Variants in QTGAL observed in about 807,000 individuals in gnomAD.
QTGAL encodes BGnT-like protein 1.
the QTGAL span, chr17:82,947,122 G>C: frequency 1.5e-6 from 1 of 668,428 alleles, no homozygotes; most frequent in Non-Finnish European, 2.5e-6. Flanking sequence ...TAGCGGAGAG[G>C]CTGGAAGGAG....
the QTGAL span, among the ~76,000 whole-genome samples, chr17:82,977,081 C>T: frequency 6.6e-6 from 1 of 152,256 alleles, no homozygotes; most frequent in East Asian, 1.9e-4. Flanking sequence ...TCGAAGGCCA[C>T]GGCAGGGGAG....
chr17:83,022,329 C>A, the QTGAL span, among the ~76,000 whole-genome samples: 1 of 137,176 alleles, frequency 7.3e-6, no homozygotes, highest in Non-Finnish European at 1.6e-5. Flanking sequence ...GCACTGTCCC[C>A]GGCCCACCTG....
the QTGAL span, among the ~76,000 whole-genome samples, chr17:82,968,054 T>TA: frequency 1.3e-5 from 2 of 152,160 alleles, no homozygotes; most frequent in African/African-American, 4.8e-5. Context: ...GGCAGGCTCT[T>TA]AGAGAGTTAA....
At chr17:83,020,621 C>T in the QTGAL span, among the ~76,000 whole-genome samples, 1 of 152,180 alleles carries the variant, frequency 6.6e-6, no homozygotes, top group Non-Finnish European at 1.5e-5. Context: ...GCCACCAGCC[C>T]ACCTGCCCAT....
At chr17:83,001,762 A>G in the QTGAL span, among the ~76,000 whole-genome samples, 1 of 152,142 alleles carries the variant, frequency 6.6e-6, no homozygotes, top group East Asian at 1.9e-4. Context: ...AACTTTTGAC[A>G]AATGCAATAA....
the QTGAL span, among the ~76,000 whole-genome samples, chr17:82,970,648 T>C: frequency 0.44 from 13,801 of 31,122 alleles, 3,529 homozygotes; most frequent in East Asian, 0.48. Flanking sequence ...CCGCACCCGG[T>C]GTGGCCGCGA....
At chr17:82,992,361 C>T in the QTGAL span, among the ~76,000 whole-genome samples, 12 of 152,238 alleles carry the variant, frequency 7.9e-5, no homozygotes, top group East Asian at 5.8e-4. Context: ...GCAGACTTTT[C>T]GGTAGAAACT....
At chr17:82,993,974 C>A in the QTGAL span, among the ~76,000 whole-genome samples, 2 of 151,960 alleles carry the variant, frequency 1.3e-5, no homozygotes, top group African/African-American at 4.8e-5. Flanking sequence ...AATGGAAACA[C>A]AACATACCAA....
chr17:83,041,541 C>T, the QTGAL span, among the ~76,000 whole-genome samples: 4 of 152,294 alleles, frequency 2.6e-5, no homozygotes, highest in East Asian at 1.9e-4. Context: ...TAAGATTAAC[C>T]GCTTACTTCT....
the QTGAL span, chr17:82,957,264 A>G: frequency 6.2e-7 from 1 of 1,614,144 alleles, no homozygotes; most frequent in South Asian, 1.1e-5. Context: ...GGACAAGCAC[A>G]GAAGGGCAGC....
the QTGAL span, among the ~76,000 whole-genome samples, chr17:83,016,717 AGAG>A: frequency 8.0e-6 from 1 of 125,294 alleles, no homozygotes; most frequent in African/African-American, 3.1e-5. Flanking sequence ...GGTGGAGGAG[AGAG>A]GAGAAGGGAG....
the QTGAL span, among the ~76,000 whole-genome samples, chr17:83,026,633 A>ACAGACACACAGAGCGGGACGGG: frequency 9.9e-6 from 1 of 101,494 alleles, no homozygotes; most frequent in East Asian, 3.0e-4. Flanking sequence ...GGAGGGCAGG[A>ACAGACACACAGAGCGGGACGGG]AGCCTGCAGA....
the QTGAL span, among the ~76,000 whole-genome samples, chr17:83,002,999 C>G: frequency 2.1e-5 from 1 of 48,362 alleles, no homozygotes; most frequent in East Asian, 7.0e-4. Context: ...CGCCCTCCCG[C>G]CCTCCGCGTG....
the QTGAL span, chr17:82,957,111 C>T: frequency 1.3e-5 from 21 of 1,592,242 alleles, no homozygotes; most frequent in Non-Finnish European, 1.7e-5. Flanking sequence ...GGGGAAGGCT[C>T]GGAGCAGCTG....
At chr17:83,018,033 T>A in the QTGAL span, among the ~76,000 whole-genome samples, 2 of 142,088 alleles carry the variant, frequency 1.4e-5, no homozygotes, top group Non-Finnish European at 3.1e-5. Flanking sequence ...GTACCACACG[T>A]GCTCCGTGAA....
At chr17:82,942,257 C>G in the QTGAL span, 1 of 689,954 alleles carries the variant, frequency 1.4e-6, no homozygotes, top group South Asian at 2.0e-5. Context: ...GGTGCCCTTC[C>G]GAGGACACGT....
At chr17:82,955,746 C>T in the QTGAL span, among the ~76,000 whole-genome samples, 1 of 152,108 alleles carries the variant, frequency 6.6e-6, no homozygotes, top group Non-Finnish European at 1.5e-5. Flanking sequence ...ATGGAATCAA[C>T]CCAAATGCCC....
chr17:82,991,591 T>G, the QTGAL span, among the ~76,000 whole-genome samples: 2 of 152,140 alleles, frequency 1.3e-5, no homozygotes, highest in Admixed American at 1.3e-4. Context: ...GAAGGACAGG[T>G]ACGAACAAAC....
the QTGAL span, among the ~76,000 whole-genome samples, chr17:83,015,275 C>G: frequency 6.6e-6 from 1 of 152,322 alleles, no homozygotes; most frequent in Admixed American, 6.5e-5. The surrounding 1 kb of genome is among the most constrained non-coding windows in gnomAD (Gnocchi z 4.4). Flanking sequence ...TGGAGGGGAC[C>G]GTCTGGCATC....
Sources: allele counts gnomAD v4.1 joint callset (sites outside exome capture counted in the v4.1 genomes callset), GRCh38; gene constraint gnomAD v4.1.1; non-coding constraint Gnocchi (gnomAD v3.1); transcripts MANE v1.5; gene names NCBI Gene and HGNC (gene_info 2026-07-23, HGNC 2026-07-21).